PTPRG: variants seen among roughly 807,000 people sequenced by gnomAD.
The protein encoded by PTPRG is receptor-type tyrosine-protein phosphatase gamma.
A neutral mutation model predicts 165.3 loss-of-function variants in PTPRG; 102 were observed. The observed-to-expected ratio is 0.62, with a 90% CI of 0.53 to 0.73. The LOEUF is 0.73. PTPRG is among the 30% of genes least tolerant of loss of function. The probability of loss-of-function intolerance (pLI) is 0.00; values close to 1 mark genes in which losing one functional copy is unlikely to be tolerated. For missense variants in PTPRG, 1,866 were observed against 1,861.4 expected (o/e 1.00, Z -0.05); for synonymous variants, 675 against 669.5 (o/e 1.01, Z -0.13).
chr3:61,805,553 C>CAAAAAAAAAAAAAAAA (rs2035388867), intron 2 of PTPRG, among the ~76,000 whole-genome samples: 1 of 115,470 alleles, frequency 8.7e-6, no homozygotes. Context: ...AAAAAAAAAT[C>CAAAAAAAAAAAAAAAA]AAAGTGCCCC....
intron 1 of PTPRG, among the ~76,000 whole-genome samples, chr3:61,632,568 A>G (rs1701798073): frequency 6.6e-6 from 1 of 152,214 alleles, no homozygotes; most frequent in African/African-American, 2.4e-5. Flanking sequence ...TGGCATGGCC[A>G]TAGACACAGC....
intron 1 of PTPRG, among the ~76,000 whole-genome samples, chr3:61,570,481 T>C (rs1700030143): frequency 1.3e-5 from 2 of 152,224 alleles, no homozygotes; most frequent in African/African-American, 2.4e-5. Context: ...TTTTTGGGTC[T>C]GTGATACTGT....
chr3:62,288,274 T>C (rs1365504386), intron 28 of PTPRG, among the ~76,000 whole-genome samples: 2 of 150,762 alleles, frequency 1.3e-5, no homozygotes, highest in Non-Finnish European at 3.0e-5. Context: ...TAAAAGCAAA[T>C]AGAAGGCGAT....
intron 1 of PTPRG, among the ~76,000 whole-genome samples, chr3:61,598,647 T>C (rs1410696761): frequency 6.6e-6 from 1 of 152,138 alleles, no homozygotes; most frequent in Non-Finnish European, 1.5e-5. Flanking sequence ...ATTCGTTTGC[T>C]AGGGCCCCTG....
At chr3:62,218,319 T>A (rs1335455972) in intron 12 of PTPRG, among the ~76,000 whole-genome samples, 1 of 152,104 alleles carries the variant, frequency 6.6e-6, no homozygotes, top group Non-Finnish European at 1.5e-5. Flanking sequence ...AGAATTGGGG[T>A]GTAGTTGTTA....
intron 2 of PTPRG, among the ~76,000 whole-genome samples, chr3:61,919,654 G>A (rs1031033264): frequency 1.3e-5 from 2 of 152,160 alleles, no homozygotes; most frequent in Admixed American, 6.5e-5. Flanking sequence ...AATCATGGTT[G>A]CATCTCGTCA....
chr3:61,625,415 T>C (rs923279156), intron 1 of PTPRG, among the ~76,000 whole-genome samples: 1 of 152,180 alleles, frequency 6.6e-6, no homozygotes, highest in Non-Finnish European at 1.5e-5. Flanking sequence ...ATCTCTTACA[T>C]TTTAAACCCA....
At chr3:62,014,983 G>A (rs559460395) in intron 4 of PTPRG, among the ~76,000 whole-genome samples, 2 of 152,306 alleles carry the variant, frequency 1.3e-5, no homozygotes, top group South Asian at 4.1e-4. Context: ...GGCTAACATA[G>A]TCCTGAGACA....
intron 1 of PTPRG, among the ~76,000 whole-genome samples, chr3:61,668,564 G>C (rs746296903): frequency 5.8e-4 from 89 of 152,280 alleles, no homozygotes; most frequent in Non-Finnish European, 5.3e-4. Context: ...AGGTTAGGTG[G>C]GGGGAGACCA....
intron 1 of PTPRG, among the ~76,000 whole-genome samples, chr3:61,592,023 G>A (rs1244036621): frequency 6.6e-6 from 1 of 151,676 alleles, no homozygotes; most frequent in Non-Finnish European, 1.5e-5. Flanking sequence ...GCCCAGGCTG[G>A]AGTCAACGGC....
At position 62,191,663 on chromosome 3, in the gene PTPRG, C is replaced by G. The variant is rs1473071928; in HGVS notation, c.1218+10C>G. The G allele has an allele frequency of 6.2e-7, 1 of 1,612,482 alleles. No homozygotes were observed. The highest frequency in any genetic ancestry group is 1.7e-5 in the Admixed American group (1 of 59,970). On this transcript the variant is annotated intron_variant, in intron 9 of 29. Coordinates refer to ENST00000474889, the MANE Select transcript of PTPRG (RefSeq NM_002841.4). ...CAGCGACAAAGACTTGGTATGAAGC[C>G]CCTCCTCTGATTCAGGGTACATGCT... is the stretch of plus-strand genomic sequence containing the variant.
chr3:61,619,012 C>G (rs868294336), intron 1 of PTPRG, among the ~76,000 whole-genome samples: 1 of 150,592 alleles, frequency 6.6e-6, no homozygotes, highest in African/African-American at 2.4e-5. Flanking sequence ...TAAAAACTAC[C>G]CTGGTGTGTT....
chr3:61,753,585 GTT>G (rs10640815), intron 2 of PTPRG: 4,586 of 361,388 alleles, frequency 0.013, 11 homozygotes, highest in Admixed American at 0.019. Flanking sequence ...AAATTTGAGG[GTT>G]TTTTTTTTTT....
chr3:61,684,969 T>C (rs1703573342), intron 1 of PTPRG, among the ~76,000 whole-genome samples: 1 of 152,162 alleles, frequency 6.6e-6, no homozygotes, highest in Non-Finnish European at 1.5e-5. Context: ...AACCCAAGTC[T>C]AGTCTCCTGG....
chr3:61,751,109 A>G (rs1172367256), intron 2 of PTPRG: 2 of 152,344 alleles, frequency 1.3e-5, no homozygotes, highest in East Asian at 3.9e-4. Flanking sequence ...CTTCCTGACA[A>G]TTCGACAGTA....
intron 2 of PTPRG, among the ~76,000 whole-genome samples, chr3:61,984,278 G>C (rs1442524534): frequency 6.6e-6 from 1 of 152,136 alleles, no homozygotes; most frequent in Non-Finnish European, 1.5e-5. Context: ...TTTTCTTAAT[G>C]ACAGCTTTAA....
chr3:61,581,557 G>A (rs1559511233), intron 1 of PTPRG, among the ~76,000 whole-genome samples: 1 of 151,952 alleles, frequency 6.6e-6, no homozygotes, highest in Non-Finnish European at 1.5e-5. Flanking sequence ...GAGAATGTGA[G>A]AGGGGGAGCA....
intron 2 of PTPRG, among the ~76,000 whole-genome samples, chr3:61,905,084 C>G (rs562246235): frequency 6.6e-6 from 1 of 151,998 alleles, no homozygotes; most frequent in African/African-American, 2.4e-5. Flanking sequence ...TCTCCCTGCT[C>G]GAAAGATTGC....
At chr3:62,136,167 C>T (rs538958684) in intron 6 of PTPRG, among the ~76,000 whole-genome samples, 30 of 152,280 alleles carry the variant, frequency 2.0e-4, no homozygotes, top group African/African-American at 6.5e-4. Context: ...ACAGTCCTGG[C>T]TCATTCTGTC....
Sources: allele counts gnomAD v4.1 joint callset (sites outside exome capture counted in the v4.1 genomes callset), GRCh38; gene constraint gnomAD v4.1.1; transcripts MANE v1.5; gene names NCBI Gene and HGNC (gene_info 2026-07-23, HGNC 2026-07-21).